The following ZC3HAV1L variants were observed in gnomAD, a reference collection of about 807,000 sequenced individuals.
The protein encoded by ZC3HAV1L is zinc finger CCCH-type antiviral protein 1-like.
ZC3HAV1L carries 23 observed loss-of-function variants against 28.2 expected under a neutral mutation model. The ratio of observed to expected loss-of-function variants is 0.82; its 90% CI spans 0.59 to 1.16. The LOEUF is 1.16. Ranked by LOEUF, ZC3HAV1L falls within the 50% of genes most tolerant of loss-of-function variation. The pLI is 0.00. For synonymous variants in ZC3HAV1L, 180 were observed against 163.4 expected, an observed-to-expected ratio of 1.10 and a Z score of -0.78; for missense variants, 376 against 387.7, an observed-to-expected ratio of 0.97 and a Z score of 0.25.
chr7:139,034,819 T>C, intron 1 of ZC3HAV1L, 141 bp from the exon 2 acceptor site: 2 of 1,409,010 alleles, frequency 1.4e-6, no homozygotes, highest in Non-Finnish European at 1.9e-6. Flanking sequence ...TATGGCCTAA[T>C]AAGCACTGAT....
intron 1 of ZC3HAV1L, 81 bp downstream of exon 1, chr7:139,035,572 C>T (rs572681455): frequency 1.5e-6 from 2 of 1,341,750 alleles, no homozygotes; most frequent in African/African-American, 3.1e-5. Flanking sequence ...CGAAGCCCCC[C>T]TTCCCGTCGC....
At position 139,032,668 on chromosome 7, in the gene ZC3HAV1L, AAAAT is replaced by A. The variant is rs1396488220; in HGVS notation, c.501+1871_501+1874del. ...AATAAAATAAAAATAAAAATAAAATAAAATAAATAAAAAATAAAATAAAATTTAA... is the reference window on the plus strand; with the variant it reads ...AATAAAATAAAAATAAAAATAAAATAAAATAAAAAATAAAATAAAATTTAA... On this transcript the variant is annotated intron_variant, in intron 2 of 4. Transcript: ENST00000275766. 4.0e-5 allele frequency among the ~76,000 whole-genome samples: 6 copies of A among 150,482 alleles called. No homozygotes were observed. In the East Asian group the frequency reaches 5.8e-4, roughly 14 times the overall value.
At chr7:139,028,061 T>C (rs1251030348) in intron 3 of ZC3HAV1L, among the ~76,000 whole-genome samples, 1 of 152,160 alleles carries the variant, frequency 6.6e-6, no homozygotes, top group African/African-American at 2.4e-5. Context: ...CCTTCCTCTT[T>C]TTCCTAACTA....
At chr7:139,035,030 C>T (rs1815658626) in intron 1 of ZC3HAV1L, 1 of 985,434 alleles carries the variant, frequency 1.0e-6, no homozygotes, top group African/African-American at 1.7e-5. Flanking sequence ...TCCCCAGCAC[C>T]GCTTTGGCGG....
At position 139,035,524 on chromosome 7, in the gene ZC3HAV1L, G is replaced by C. The variant is rs1030435544; in HGVS notation, c.365+129C>G. The C allele has an allele frequency of 2.3e-6, 3 of 1,313,572 alleles. No homozygotes were observed. In the African/African-American group the frequency reaches 4.6e-5, roughly 20 times the overall value. The allele number at this position is 1,313,572 out of a possible 1,614,324, so 81.4% of individuals were successfully genotyped here. On this transcript the variant is annotated intron_variant, in intron 1 of 4. Coordinates refer to ENST00000275766, the MANE Select transcript of ZC3HAV1L (RefSeq NM_080660.4). ...GACGCCCAGGAAAGGCCTGCGGGAG[G>C]GGGTCGTCCAGCCCCGCGTCCCCGG...
chr7:139,026,653 A>T, intron 4 of ZC3HAV1L, 55 bp downstream of exon 4: 1 of 1,612,596 alleles, frequency 6.2e-7, no homozygotes, highest in Non-Finnish European at 8.5e-7. Flanking sequence ...TTGTTTTCAG[A>T]TCTTCCAAGC....
chr7:139,028,654 G>A (rs3735009), intron 3 of ZC3HAV1L, 48 bp downstream of exon 3: 30 of 1,583,472 alleles, frequency 1.9e-5, no homozygotes, highest in Non-Finnish European at 2.4e-5. Context: ...GTGAAGCATC[G>A]CAAAACCATA....
At chr7:139,026,983 T>C (rs1309638122) in intron 3 of ZC3HAV1L, 150 bp from the exon 4 acceptor site, 3 of 891,200 alleles carry the variant, frequency 3.4e-6, no homozygotes, top group Non-Finnish European at 4.9e-6. Flanking sequence ...AAATTGTATG[T>C]GTGTGTGTAT....
In ZC3HAV1L at chr7:139,034,445, CG is replaced by C. The variant is rs1563116167; in HGVS notation, c.501+97del. 2.7e-6 allele frequency: 4 copies of C among 1,460,730 alleles called. No individual in the cohort carries two copies. In the African/African-American group the frequency reaches 6.3e-5, roughly 23 times the overall value. 90.5% of individuals were successfully genotyped at this position (1,460,730 alleles called of 1,614,324 possible). On this transcript the variant is annotated intron_variant, in intron 2 of 4. Transcript: ENST00000275766. ...CATTTGAAACTGAATCATGTTGCTT[CG>C]AAGGCAATTAAAATTAATATGTAAA...
At chr7:139,034,890 G>A in intron 1 of ZC3HAV1L, 1 of 985,460 alleles carries the variant, frequency 1.0e-6, no homozygotes, top group Non-Finnish European at 1.2e-6. Context: ...ATTTTCAGTA[G>A]GGATGCTTTG....
chr7:139,035,642 C>A lies in ZC3HAV1L; in HGVS notation c.365+11G>T. The stretch of plus-strand genomic sequence containing the variant: ...AGCGCCCACAGTCCCCGCCCGCCGC[C>A]GCCTTCTCACCAGCAGTCCCGGTTG... On this transcript the variant is annotated intron_variant, in intron 1 of 4. Transcript: ENST00000275766. 7.2e-7 allele frequency: 1 copy of A among 1,397,664 alleles called. No homozygotes were observed. The highest frequency in any genetic ancestry group is 9.2e-7 in the Non-Finnish European group (1 of 1,084,420). The allele number at this position is 1,397,664 out of a possible 1,614,324, so 86.6% of individuals were successfully genotyped here. A position where few individuals can be genotyped will look rare whatever the true frequency, so the allele number is the denominator to read the frequency against.
chr7:139,028,635 T>A, intron 3 of ZC3HAV1L, 67 bp downstream of exon 3: 1 of 1,549,778 alleles, frequency 6.5e-7, no homozygotes, highest in Admixed American at 1.8e-5. Flanking sequence ...CTGTTCTTAC[T>A]TCTTCACAGT....
intron 1 of ZC3HAV1L, 123 bp from the exon 2 acceptor site, chr7:139,034,801 G>A (rs1584823475): frequency 1.4e-6 from 2 of 1,455,852 alleles, no homozygotes; most frequent in Non-Finnish European, 1.8e-6. Context: ...TCATGAAACC[G>A]GGGATAGTAT....
At chr7:139,032,632 G>T (rs560528123) in intron 2 of ZC3HAV1L, among the ~76,000 whole-genome samples, 1 of 141,618 alleles carries the variant, frequency 7.1e-6, no homozygotes, top group Non-Finnish European at 1.6e-5. Context: ...CAAAAAAAAA[G>T]AAATAAATAA....
At chr7:139,034,498 T>G in intron 2 of ZC3HAV1L, 45 bp downstream of exon 2, 1 of 1,602,674 alleles carries the variant, frequency 6.2e-7, no homozygotes, top group East Asian at 2.2e-5. Context: ...ATGGGGAAAG[T>G]ACTTGTAGCA....
chr7:139,030,549 C>A (rs1260630407), intron 2 of ZC3HAV1L, among the ~76,000 whole-genome samples: 1 of 149,808 alleles, frequency 6.7e-6, no homozygotes, highest in Non-Finnish European at 1.5e-5. Flanking sequence ...ATAAATAAGG[C>A]CCGGTGTGGT....
chr7:139,036,026 G>C lies in ZC3HAV1L; in HGVS notation c.-9C>G. ...ACTGTGGGCTCCGCCATGGTCGCTG[G>C]CGCGGGCCCTGTGCGCGCGGCGCAG... On this transcript the variant is annotated 5_prime_UTR_variant, in exon 1 of 5. Transcript: ENST00000275766. 3.3e-6 allele frequency: 5 copies of C among 1,494,448 alleles called. No individual in the cohort carries two copies. Among genetic ancestry groups the C allele is most frequent in the Non-Finnish European group, 4.4e-6 (5 of 1,130,870 alleles). 92.6% of individuals were successfully genotyped at this position (1,494,448 alleles called of 1,614,324 possible). A position where few individuals can be genotyped will look rare whatever the true frequency, so the allele number is the denominator to read the frequency against.
intron 2 of ZC3HAV1L, among the ~76,000 whole-genome samples, chr7:139,032,510 G>A (rs578189312): frequency 4.7e-5 from 7 of 147,702 alleles, no homozygotes; most frequent in East Asian, 2.0e-4. Context: ...CATGGTGGGC[G>A]CCTGTCGGGA....
rs1366220037 is a variant in ZC3HAV1L at position 139,028,696 on chromosome 7, T to C, written c.760+6A>G. 1.2e-6 allele frequency: 2 copies of C among 1,612,368 alleles called. No homozygotes were observed. Among genetic ancestry groups the C allele is most frequent in the Non-Finnish European group, 1.7e-6 (2 of 1,178,768 alleles). ...ATACTTCTCTGTCCTTCTTGGATATTCCTACCTGTATTTTCAAGCATCTTG... is the reference window on the plus strand; with the variant it reads ...ATACTTCTCTGTCCTTCTTGGATATCCCTACCTGTATTTTCAAGCATCTTG... On this transcript the variant is annotated splice_donor_region_variant and intron_variant, in intron 3 of 4. Coordinates refer to ENST00000275766, the MANE Select transcript of ZC3HAV1L (RefSeq NM_080660.4).
Sources: gnomAD v4.1 joint callset for allele counts (sites outside exome capture counted in the v4.1 genomes callset) on GRCh38, gnomAD v4.1.1 for gene constraint, MANE v1.5 for transcripts, NCBI Gene and HGNC (gene_info 2026-07-23, HGNC 2026-07-21) for gene names.